The following KIRREL3 variants were observed in gnomAD, a reference collection of about 807,000 sequenced individuals.
The protein encoded by KIRREL3 is kirre like nephrin family adhesion molecule 3, also known as kin of IRRE-like protein 3.
Under a neutral mutation model 89.7 loss-of-function variants are expected in KIRREL3, and 36 were observed. The ratio of observed to expected loss-of-function variants is 0.40; its 90% CI spans 0.31 to 0.53. The LOEUF is 0.53. KIRREL3 is among the 20% of genes least tolerant of loss of function. The pLI is 0.49. For missense variants in KIRREL3, 864 were observed against 1,056.6 expected, an observed-to-expected ratio of 0.82 and a Z score of 2.53; for synonymous variants, 445 against 441.4, an observed-to-expected ratio of 1.01 and a Z score of -0.10.
intron 15 of KIRREL3, 35 bp from the exon 16 acceptor site, chr11:126,425,759 G>A: frequency 6.5e-7 from 1 of 1,536,472 alleles, no homozygotes; most frequent in South Asian, 1.2e-5. Context: ...GTAGATAGGA[G>A]GTGGCTAAAC....
rs138564918 is a variant in KIRREL3, at chr11:126,425,885, C to T, written c.1807-161G>A. ...AAGAGTCAAGATGAGTTCCTGGAGCCCCATCCTAGGAGACAGGGAAGCAGT... is the reference window on the plus strand; with the variant it reads ...AAGAGTCAAGATGAGTTCCTGGAGCTCCATCCTAGGAGACAGGGAAGCAGT... On this transcript the variant is annotated intron_variant, in intron 15 of 16. Coordinates refer to ENST00000525144, the MANE Select transcript of KIRREL3 (RefSeq NM_032531.4). Among the ~76,000 whole-genome samples, 1,512 of 152,308 alleles carry T rather than the reference C, an allele frequency of 9.9e-3. 15 individuals are homozygous for T. Among genetic ancestry groups the T allele is most frequent in the African/African-American group, 0.029 (1,192 of 41,544 alleles).
rs1023265312 is a variant in KIRREL3, at chr11:126,428,795, C to T, written c.1806+384G>A. Among the ~76,000 whole-genome samples, 1 of 152,036 alleles carries T rather than the reference C, an allele frequency of 6.6e-6. No individual in the cohort carries two copies. Among genetic ancestry groups the T allele is most frequent in the Non-Finnish European group, 1.5e-5 (1 of 68,006 alleles). ...CCAAGTAGCTGGGATTACAGGCGCCCGCCACCACGCCCAGCTAATTTTTGT... is the reference window on the plus strand; with the variant it reads ...CCAAGTAGCTGGGATTACAGGCGCCTGCCACCACGCCCAGCTAATTTTTGT... On this transcript the variant is annotated intron_variant, in intron 15 of 16. Transcript: ENST00000525144. This position sits in a 1 kb window ranked among gnomAD's most constrained non-coding sequence, Gnocchi z 6.4.
At chr11:126,911,384 C>A (rs761859761) in intron 1 of KIRREL3, among the ~76,000 whole-genome samples, 1 of 152,172 alleles carries the variant, frequency 6.6e-6, no homozygotes, top group Non-Finnish European at 1.5e-5. Context: ...GCCGCCAGTG[C>A]ATCTGCTGGT....
In KIRREL3 at chr11:126,498,982, T is replaced by C. The variant is rs906667485; in HGVS notation, c.433+22333A>G. ...GAGTTTGAGACCAGCTTGGGCAACA[T>C]GGCCAGCATTTAATGCAAAAATTAG... On this transcript the variant is annotated intron_variant, in intron 4 of 16. Transcript: ENST00000525144. The surrounding 1 kb of genome is among the most constrained non-coding windows in gnomAD (Gnocchi z 4.3). Among the ~76,000 whole-genome samples, 2 of 152,018 alleles carry C rather than the reference T, an allele frequency of 1.3e-5. No homozygotes were observed. Among genetic ancestry groups the C allele is most frequent in the Non-Finnish European group, 2.9e-5 (2 of 67,998 alleles).
intron 1 of KIRREL3, among the ~76,000 whole-genome samples, chr11:126,956,047 T>C (rs985618155): frequency 3.9e-5 from 6 of 152,206 alleles, no homozygotes; most frequent in African/African-American, 1.2e-4. Context: ...TTTTCTGTCA[T>C]TGAGTGACAC....
Position 126,578,110 on chromosome 11 carries a change from A to C in KIRREL3, c.56-15198T>G, listed in dbSNP as rs996645673. ...TACAGCCTTGCAACTTTGCCTCATT[A>C]GTCCCAAATTTGCACTGTGAGGCAA... On this transcript the variant is annotated intron_variant, in intron 1 of 16. Coordinates refer to ENST00000525144, the MANE Select transcript of KIRREL3 (RefSeq NM_032531.4). This position sits in a 1 kb window ranked among gnomAD's most constrained non-coding sequence, Gnocchi z 4.9. Among the ~76,000 whole-genome samples, 7 of 152,204 alleles carry C rather than the reference A, an allele frequency of 4.6e-5. No homozygotes were observed. The highest frequency in any genetic ancestry group is 3.3e-4 in the Admixed American group (5 of 15,280).
intron 4 of KIRREL3, among the ~76,000 whole-genome samples, chr11:126,506,835 A>C (rs1958034987): frequency 6.6e-6 from 1 of 151,800 alleles, no homozygotes; most frequent in Non-Finnish European, 1.5e-5. Flanking sequence ...ATGTTGGCCA[A>C]ACTGGTCTTG....
In KIRREL3 at chr11:126,521,771, G is replaced by A. The variant is rs1565520759; in HGVS notation, c.284-307C>T. On this transcript the variant is annotated intron_variant, in intron 3 of 16. Coordinates refer to ENST00000525144, the MANE Select transcript of KIRREL3 (RefSeq NM_032531.4). The surrounding 1 kb of genome is among the most constrained non-coding windows in gnomAD (Gnocchi z 4.1). The stretch of plus-strand genomic sequence containing the variant: ...TCTGTTTGTTAGTTTTTGAGACAGG[G>A]TCTTGCTCTGTCACTCAGATTGGAG... 6.6e-6 allele frequency among the ~76,000 whole-genome samples: 1 copy of A among 151,394 alleles called. No homozygotes were observed. The highest frequency in any genetic ancestry group is 1.5e-5 in the Non-Finnish European group (1 of 67,938).
At chr11:126,889,199 C>T (rs1282648327) in intron 1 of KIRREL3, among the ~76,000 whole-genome samples, 1 of 145,454 alleles carries the variant, frequency 6.9e-6, no homozygotes, top group Admixed American at 7.1e-5. Context: ...CCCTTAGTGA[C>T]CCCTCCCTTT....
chr11:126,547,810 C>T (rs554633674), intron 2 of KIRREL3, among the ~76,000 whole-genome samples: 4 of 152,262 alleles, frequency 2.6e-5, no homozygotes, highest in South Asian at 4.1e-4. Flanking sequence ...CTGCCCTGGA[C>T]GATGGTGGGG....
intron 1 of KIRREL3, among the ~76,000 whole-genome samples, chr11:126,961,513 C>T (rs909946802): frequency 3.9e-5 from 6 of 152,278 alleles, no homozygotes; most frequent in African/African-American, 1.2e-4. Context: ...TATATGAAGG[C>T]TGACAGAGAT....
intron 1 of KIRREL3, among the ~76,000 whole-genome samples, chr11:126,582,010 C>G (rs1941576966): frequency 6.6e-6 from 1 of 152,152 alleles, no homozygotes; most frequent in Non-Finnish European, 1.5e-5. Flanking sequence ...ACTCCTGGGG[C>G]TTAAGCAGCC....
At chr11:126,580,494 G>A (rs1365334603) in intron 1 of KIRREL3, among the ~76,000 whole-genome samples, 1 of 152,196 alleles carries the variant, frequency 6.6e-6, no homozygotes, top group Non-Finnish European at 1.5e-5. Context: ...TGGAAGGCAG[G>A]ACCTGTGCAG....
intron 1 of KIRREL3, among the ~76,000 whole-genome samples, chr11:126,945,443 G>A (rs573832571): frequency 3.3e-5 from 5 of 152,162 alleles, no homozygotes; most frequent in East Asian, 3.9e-4. Context: ...ATTCTCTCCC[G>A]TGTCTCCGCA....
rs528709440 is a variant in KIRREL3 at position 126,795,472 on chromosome 11, C to T, written c.55+204983G>A. On this transcript the variant is annotated intron_variant, in intron 1 of 16. Transcript: ENST00000525144. This position sits in a 1 kb window ranked among gnomAD's most constrained non-coding sequence, Gnocchi z 4.1. Reference sequence around the variant, plus strand: ...GCAACCTCCGCTTCCCGGATTCAAGCGATTCTCCTGCCTCAGCCTCCTGAG... The same window carrying T: ...GCAACCTCCGCTTCCCGGATTCAAGTGATTCTCCTGCCTCAGCCTCCTGAG... Among the ~76,000 whole-genome samples, 30 of 152,312 alleles carry T rather than the reference C, an allele frequency of 2.0e-4. No homozygotes were observed. The highest frequency in any genetic ancestry group is 5.2e-4 in the Admixed American group (8 of 15,298).
chr11:126,587,481 G>A lies in KIRREL3; in HGVS notation c.56-24569C>T, dbSNP rs1325261848. Among the ~76,000 whole-genome samples the A allele has an allele frequency of 6.6e-6, 1 of 152,164 alleles. No homozygotes were observed. The highest frequency in any genetic ancestry group is 2.4e-5 in the African/African-American group (1 of 41,442). On this transcript the variant is annotated intron_variant, in intron 1 of 16. Coordinates refer to ENST00000525144, the MANE Select transcript of KIRREL3 (RefSeq NM_032531.4). The surrounding 1 kb of genome is among the most constrained non-coding windows in gnomAD (Gnocchi z 5.2). The stretch of plus-strand genomic sequence containing the variant: ...GAGCCATCACATTCCCAAACCCACA[G>A]CGCTTCCCTCTCACCAACCCTGTAG...
At chr11:126,532,711 T>A (rs1463060321) in intron 2 of KIRREL3, among the ~76,000 whole-genome samples, 1 of 152,118 alleles carries the variant, frequency 6.6e-6, no homozygotes, top group African/African-American at 2.4e-5. Context: ...ATCTTTAGAA[T>A]GAAAAGTGAT....
intron 1 of KIRREL3, among the ~76,000 whole-genome samples, chr11:126,649,216 A>G (rs964664587): frequency 2.0e-5 from 3 of 152,210 alleles, no homozygotes; most frequent in Non-Finnish European, 4.4e-5. Context: ...TTGGAGTATA[A>G]TTCAAGATGG....
rs1941383628 is a variant in KIRREL3 at position 126,578,648 on chromosome 11, G to A, written c.56-15736C>T. Among the ~76,000 whole-genome samples the A allele has an allele frequency of 6.6e-6, 1 of 152,132 alleles. No individual in the cohort carries two copies. The highest frequency in any genetic ancestry group is 2.4e-5 in the African/African-American group (1 of 41,406). On this transcript the variant is annotated intron_variant, in intron 1 of 16. Coordinates refer to ENST00000525144, the MANE Select transcript of KIRREL3 (RefSeq NM_032531.4). This position sits in a 1 kb window ranked among gnomAD's most constrained non-coding sequence, Gnocchi z 4.9. ...CTGTCTGCTCAGGTCCTGGGGGAGGGACTCAGAATCCGCCTCACACCCATG... is the reference window on the plus strand; with the variant it reads ...CTGTCTGCTCAGGTCCTGGGGGAGGAACTCAGAATCCGCCTCACACCCATG...
Sources: gnomAD v4.1 joint callset for allele counts (sites outside exome capture counted in the v4.1 genomes callset) on GRCh38, gnomAD v4.1.1 for gene constraint, Gnocchi (gnomAD v3.1) non-coding constraint, MANE v1.5 for transcripts, NCBI Gene and HGNC (gene_info 2026-07-23, HGNC 2026-07-21) for gene names.